The following ACOT7 variants were observed in gnomAD, a reference collection of about 807,000 sequenced individuals.
ACOT7 encodes the protein cytosolic acyl coenzyme A thioester hydrolase.
ACOT7 carries 12 observed loss-of-function variants against 40.2 expected under a neutral mutation model. The observed-to-expected ratio is 0.30, with a 90% CI of 0.19 to 0.48. ACOT7 has a LOEUF of 0.48. Ranked by LOEUF, ACOT7 falls within the 20% of genes least tolerant of loss-of-function variation. The pLI, the probability that ACOT7 is intolerant of heterozygous loss-of-function variation, is 0.99. For synonymous variants in ACOT7, 228 were observed against 219.5 expected (o/e 1.04, Z -0.34); for missense variants, 395 against 530.8 (o/e 0.74, Z 2.51).
chr1:6,346,740 G>A (rs753796846), intron 2 of ACOT7, among the ~76,000 whole-genome samples: 2 of 152,362 alleles, frequency 1.3e-5, no homozygotes, highest in South Asian at 4.1e-4. Flanking sequence ...GTGATCAGGT[G>A]ATCGGGTGAT....
chr1:6,376,367 A>C (rs1475544909), intron 1 of ACOT7, among the ~76,000 whole-genome samples: 2 of 152,124 alleles, frequency 1.3e-5, no homozygotes, highest in Non-Finnish European at 2.9e-5. Context: ...CAGGAGGTTG[A>C]AGCTACAGTG....
intron 1 of ACOT7, among the ~76,000 whole-genome samples, chr1:6,361,047 G>C (rs183892636): frequency 6.6e-6 from 1 of 152,302 alleles, no homozygotes; most frequent in Non-Finnish European, 1.5e-5. Context: ...GTTCATAGCA[G>C]CATTATTCAC....
intron 2 of ACOT7, among the ~76,000 whole-genome samples, chr1:6,341,939 C>T (rs1344741898): frequency 6.6e-6 from 1 of 152,162 alleles, no homozygotes; most frequent in African/African-American, 2.4e-5. Flanking sequence ...CATGGTGGGG[C>T]TCCCAGATGG....
intron 6 of ACOT7, among the ~76,000 whole-genome samples, chr1:6,304,916 T>C (rs1235346633): frequency 7.0e-6 from 1 of 143,066 alleles, no homozygotes; most frequent in East Asian, 2.0e-4. Flanking sequence ...TGGGTACACC[T>C]CCCAGACAGG....
intron 1 of ACOT7, among the ~76,000 whole-genome samples, chr1:6,370,342 C>T (rs1159313503): frequency 2.0e-5 from 3 of 152,044 alleles, no homozygotes; most frequent in Non-Finnish European, 4.4e-5. Context: ...TCGGGCATTC[C>T]TTTACAGCCA....
chr1:6,374,554 C>T (rs1642191176), intron 1 of ACOT7, among the ~76,000 whole-genome samples: 1 of 152,212 alleles, frequency 6.6e-6, no homozygotes, highest in Admixed American at 6.5e-5. Flanking sequence ...AGCACCACAA[C>T]CTGCCACGCA....
chr1:6,286,723 C>G (rs1279254152), intron 7 of ACOT7, among the ~76,000 whole-genome samples: 1 of 152,206 alleles, frequency 6.6e-6, no homozygotes, highest in Non-Finnish European at 1.5e-5. Flanking sequence ...CCACAGGCCA[C>G]CTGGGCATTT....
rs1335046501 is a variant in ACOT7, at chr1:6,358,882, G to C, written c.144-9016C>G. On this transcript the variant is annotated intron_variant, in intron 1 of 8. Coordinates refer to ENST00000361521, the MANE Select transcript of ACOT7 (RefSeq NM_007274.4). This position sits in a 1 kb window ranked among gnomAD's most constrained non-coding sequence, Gnocchi z 4.1. Reference sequence around the variant, plus strand: ...CATCCCAGGATCAGATGCAGAGAAAGGCGAGGGAGCAGGGAAGCATCACAG... The same window carrying C: ...CATCCCAGGATCAGATGCAGAGAAACGCGAGGGAGCAGGGAAGCATCACAG... 6.2e-7 allele frequency: 1 copy of C among 1,612,972 alleles called. No individual in the cohort carries two copies. Among genetic ancestry groups the C allele is most frequent in the African/African-American group, 1.3e-5 (1 of 74,898 alleles).
rs531011314 is a variant in ACOT7 at position 6,368,409 on chromosome 1, C to A, written c.144-18543G>T. Among the ~76,000 whole-genome samples, 6 of 152,310 alleles carry A rather than the reference C, an allele frequency of 3.9e-5. No individual in the cohort carries two copies. In the South Asian group the frequency reaches 1.2e-3, roughly 32 times the overall value. ...GCCGCTCCCACTTCCCGCCCCAGGG[C>A]CCTGAAGCATAACCCAAGCTCTGCA... On this transcript the variant is annotated intron_variant, in intron 1 of 8. Transcript: ENST00000361521.
intron 7 of ACOT7, among the ~76,000 whole-genome samples, chr1:6,287,650 C>G (rs888592164): frequency 1.3e-5 from 2 of 152,222 alleles, no homozygotes; most frequent in African/African-American, 4.8e-5. Flanking sequence ...GTACCCCAGC[C>G]TGACTCCCCC....
At chr1:6,280,994 T>TGACAG in intron 8 of ACOT7, 108 bp downstream of exon 8, 1 of 1,445,458 alleles carries the variant, frequency 6.9e-7, no homozygotes, top group Non-Finnish European at 9.4e-7. Flanking sequence ...TGACCCCTAC[T>TGACAG]GACAGGACAG....
intron 8 of ACOT7, among the ~76,000 whole-genome samples, chr1:6,265,781 G>A (rs1278782185): frequency 6.6e-6 from 1 of 152,112 alleles, no homozygotes; most frequent in East Asian, 1.9e-4. Context: ...ACATTTTGAG[G>A]GTGTCTGAAA....
At chr1:6,348,662 C>G (rs930288609) in intron 2 of ACOT7, among the ~76,000 whole-genome samples, 1 of 152,222 alleles carries the variant, frequency 6.6e-6, no homozygotes, top group South Asian at 2.1e-4. Flanking sequence ...TCAACAGACA[C>G]GAAATCTGCC....
rs1409419531 is a variant in ACOT7, at chr1:6,282,386, G to A, written c.830-1100C>T. 1.3e-5 allele frequency among the ~76,000 whole-genome samples: 2 copies of A among 152,174 alleles called. No individual in the cohort carries two copies. Among genetic ancestry groups the A allele is most frequent in the Admixed American group, 6.5e-5 (1 of 15,284 alleles). On this transcript the variant is annotated intron_variant, in intron 7 of 8. Transcript: ENST00000361521. The surrounding 1 kb of genome is among the most constrained non-coding windows in gnomAD (Gnocchi z 4.5). Reference sequence around the variant, plus strand: ...GCTGCAGAAACCCCCGGGGACTTCCGGGGCAAGTGCTGCCCTGCGGTCAGA... The same window carrying A: ...GCTGCAGAAACCCCCGGGGACTTCCAGGGCAAGTGCTGCCCTGCGGTCAGA...
At chr1:6,286,089 CA>C (rs1194973627) in intron 7 of ACOT7, among the ~76,000 whole-genome samples, 1 of 152,200 alleles carries the variant, frequency 6.6e-6, no homozygotes, top group Non-Finnish European at 1.5e-5. Flanking sequence ...TCTGTGGGGT[CA>C]AAAAGACCTC....
At chr1:6,309,668 T>C (rs561387801) in intron 6 of ACOT7, among the ~76,000 whole-genome samples, 24 of 152,300 alleles carry the variant, frequency 1.6e-4, no homozygotes, top group African/African-American at 5.5e-4. Flanking sequence ...GAGTGTTCCA[T>C]TTCCAGGGGC....
At chr1:6,385,452 A>C (rs1642419609) in intron 1 of ACOT7, 1 of 1,581,752 alleles carries the variant, frequency 6.3e-7, no homozygotes, top group African/African-American at 1.3e-5. Flanking sequence ...TCGGCGTCGC[A>C]AGTGAGACAC....
intron 5 of ACOT7, among the ~76,000 whole-genome samples, chr1:6,321,857 AAACAATAGGCTTTTCC>A (rs1192322549): frequency 6.6e-6 from 1 of 152,196 alleles, no homozygotes; most frequent in Non-Finnish European, 1.5e-5. Context: ...CCAGGTCAAT[AAACAATAGGCTTTTCC>A]AATCTTTTCA....
intron 7 of ACOT7, among the ~76,000 whole-genome samples, chr1:6,284,063 G>A (rs1225794054): frequency 3.3e-5 from 5 of 152,222 alleles, no homozygotes; most frequent in African/African-American, 1.2e-4. Flanking sequence ...ACCTAGGGTT[G>A]ACAGACGAAT....
Sources: gnomAD v4.1 joint callset for allele counts (sites outside exome capture counted in the v4.1 genomes callset) on GRCh38, gnomAD v4.1.1 for gene constraint, Gnocchi (gnomAD v3.1) non-coding constraint, MANE v1.5 for transcripts, NCBI Gene and HGNC (gene_info 2026-07-23, HGNC 2026-07-21) for gene names.